PTPRK: variants seen among roughly 807,000 people sequenced by gnomAD.
The protein encoded by PTPRK is receptor-type tyrosine-protein phosphatase kappa.
In PTPRK, 75 loss-of-function variants were observed where a neutral mutation model predicts 178.0. That is an observed-to-expected ratio of 0.42 (90% CI 0.35 to 0.51). The LOEUF is 0.51. Among genes scored for constraint, PTPRK ranks in the 20% least tolerant of loss-of-function variants. PTPRK has a pLI of 0.02. For missense variants in PTPRK, 1,441 were observed against 1,797.8 expected, an observed-to-expected ratio of 0.80 and a Z score of 3.59; for synonymous variants, 637 against 620.6, an observed-to-expected ratio of 1.03 and a Z score of -0.39.
intron 6 of PTPRK, among the ~76,000 whole-genome samples, chr6:128,203,987 A>G (rs560190263): frequency 2.0e-5 from 3 of 152,340 alleles, no homozygotes; most frequent in African/African-American, 7.2e-5. Flanking sequence ...AGCAAAATGA[A>G]CAAAGCTGGA....
intron 1 of PTPRK, among the ~76,000 whole-genome samples, chr6:128,458,498 T>G (rs1032293208): frequency 4.6e-5 from 7 of 152,204 alleles, no homozygotes; most frequent in Non-Finnish European, 8.8e-5. Flanking sequence ...TAATATGACT[T>G]GAAATAAATG....
chr6:128,386,363 C>A (rs761733032), intron 2 of PTPRK, among the ~76,000 whole-genome samples: 13 of 152,088 alleles, frequency 8.5e-5, no homozygotes, highest in Non-Finnish European at 1.6e-4. Context: ...ACAATCGATA[C>A]CTATAGAGCC....
At chr6:128,371,204 T>C (rs1405051216) in intron 2 of PTPRK, among the ~76,000 whole-genome samples, 3 of 152,230 alleles carry the variant, frequency 2.0e-5, no homozygotes, top group Admixed American at 1.3e-4. Flanking sequence ...ACAATTATTA[T>C]ACTGTCGATT....
intron 2 of PTPRK, among the ~76,000 whole-genome samples, chr6:128,353,024 C>T (rs185559216): frequency 1.3e-5 from 2 of 152,138 alleles, no homozygotes; most frequent in African/African-American, 4.8e-5. Flanking sequence ...TGAAAACCAT[C>T]AATAAAAGAA....
chr6:128,454,169 C>A (rs1159172440), intron 1 of PTPRK, among the ~76,000 whole-genome samples: 1 of 152,102 alleles, frequency 6.6e-6, no homozygotes, highest in Non-Finnish European at 1.5e-5. Flanking sequence ...TTCTATGAAC[C>A]ACAAAAAGGG....
At chr6:128,437,550 A>C (rs922060951) in intron 1 of PTPRK, among the ~76,000 whole-genome samples, 2 of 152,204 alleles carry the variant, frequency 1.3e-5, no homozygotes, top group Admixed American at 1.3e-4. Flanking sequence ...TTACCACAAT[A>C]AATAAAAATA....
At chr6:127,988,191 G>GGAAGAGGGGGAAGAGAA (rs1489888168) in intron 21 of PTPRK, among the ~76,000 whole-genome samples, 3 of 151,758 alleles carry the variant, frequency 2.0e-5, no homozygotes, top group Non-Finnish European at 4.4e-5. Flanking sequence ...GGGGAAGAGA[G>GGAAGAGGGGGAAGAGAA]GAAGAGGGGG....
chr6:128,514,072 G>C (rs562191250), intron 1 of PTPRK, among the ~76,000 whole-genome samples: 1 of 152,244 alleles, frequency 6.6e-6, no homozygotes, highest in Non-Finnish European at 1.5e-5. Flanking sequence ...TGGAGAATCG[G>C]CCTATGAGCA....
At chr6:128,185,050 G>A (rs999651729) in intron 6 of PTPRK, among the ~76,000 whole-genome samples, 3 of 152,136 alleles carry the variant, frequency 2.0e-5, no homozygotes, top group Non-Finnish European at 4.4e-5. Flanking sequence ...TACTAAGAGA[G>A]TAGAGTTGAT....
chr6:128,064,820 AAG>A (rs1419161562), intron 12 of PTPRK, 26 bp from the exon 13 acceptor site: 2 of 1,574,446 alleles, frequency 1.3e-6, no homozygotes, highest in South Asian at 2.4e-5. Context: ...TGAAAAAAAA[AAG>A]AGTCAATGTA....
chr6:128,285,901 C>T (rs1255102064), intron 3 of PTPRK, among the ~76,000 whole-genome samples: 1 of 152,034 alleles, frequency 6.6e-6, no homozygotes, highest in African/African-American at 2.4e-5. Context: ...ATCCTTAATC[C>T]TGGGCACCAG....
At chr6:128,092,776 C>T (rs1234467830) in intron 7 of PTPRK, among the ~76,000 whole-genome samples, 3 of 152,096 alleles carry the variant, frequency 2.0e-5, no homozygotes, top group Admixed American at 2.0e-4. Flanking sequence ...AATAAAGTTG[C>T]CTAAATTATT....
At chr6:128,051,272 T>C (rs913665940) in intron 13 of PTPRK, among the ~76,000 whole-genome samples, 3 of 152,218 alleles carry the variant, frequency 2.0e-5, no homozygotes, top group Admixed American at 2.0e-4. Flanking sequence ...GTCTCTACCA[T>C]GCTTAATAAT....
intron 1 of PTPRK, among the ~76,000 whole-genome samples, chr6:128,437,838 A>G (rs750220898): frequency 1.1e-4 from 17 of 152,180 alleles, no homozygotes; most frequent in African/African-American, 2.9e-4. Flanking sequence ...GAATTGAAAC[A>G]GCTCCCACCT....
chr6:128,051,625 G>T (rs192490108), intron 13 of PTPRK, among the ~76,000 whole-genome samples: 5 of 152,104 alleles, frequency 3.3e-5, no homozygotes, highest in African/African-American at 1.2e-4. Flanking sequence ...CTTTCGATCC[G>T]GTTGCTTCTA....
intron 8 of PTPRK, chr6:128,084,814 C>T (rs1269288034): frequency 1.3e-5 from 2 of 152,088 alleles, no homozygotes; most frequent in Non-Finnish European, 2.9e-5. Flanking sequence ...TCCTACTTGG[C>T]TAAAAAATGT....
At chr6:128,001,524 C>T (rs1777832366) in intron 15 of PTPRK, among the ~76,000 whole-genome samples, 1 of 151,946 alleles carries the variant, frequency 6.6e-6, no homozygotes, top group South Asian at 2.1e-4. Flanking sequence ...GTTTATATAA[C>T]TAGACTTTAT....
intron 1 of PTPRK, among the ~76,000 whole-genome samples, chr6:128,518,436 C>T (rs1431202380): frequency 1.3e-5 from 2 of 152,178 alleles, no homozygotes; most frequent in Admixed American, 6.5e-5. Context: ...AAAAAGTTTT[C>T]TAACTGCTGA....
chr6:128,469,462 A>C (rs1214994959), intron 1 of PTPRK, among the ~76,000 whole-genome samples: 1 of 152,220 alleles, frequency 6.6e-6, no homozygotes, highest in Non-Finnish European at 1.5e-5. Flanking sequence ...AGTAGCTTTA[A>C]AGAGATATTC....
Sources: gnomAD v4.1 joint callset for allele counts (sites outside exome capture counted in the v4.1 genomes callset) on GRCh38, gnomAD v4.1.1 for gene constraint, MANE v1.5 for transcripts, NCBI Gene and HGNC (gene_info 2026-07-23, HGNC 2026-07-21) for gene names.